NOMO2: variants seen among roughly 807,000 people sequenced by gnomAD.
NOMO2 encodes NODAL modulator 2.
A neutral mutation model predicts 67.1 loss-of-function variants in NOMO2; 14 were observed. The observed-to-expected ratio is 0.21, with a 90% CI of 0.14 to 0.33. NOMO2 has a LOEUF of 0.33. NOMO2 is among the 10% of genes least tolerant of loss of function. The pLI, the probability that NOMO2 is intolerant of heterozygous loss-of-function variation, is 1.00. For synonymous variants in NOMO2, 80 were observed against 305.9 expected, an observed-to-expected ratio of 0.26 and a Z score of 7.71; for missense variants, 178 against 761.0, an observed-to-expected ratio of 0.23 and a Z score of 9.01.
rs371578982 is a variant in NOMO2, at chr16:18,556,650, T to C, written c.255+1052A>G. On this transcript the variant is annotated intron_variant, in intron 2 of 30. Transcript: ENST00000622306. ...TATTGACTATTTTTGCAACTTCCTA[T>C]GAATCTGTATTTCCAAATAAAAGGT... is the stretch of plus-strand genomic sequence containing the variant. Among the ~76,000 whole-genome samples the C allele has an allele frequency of 2.1e-4, 32 of 152,142 alleles. No individual in the cohort carries two copies. The East Asian group carries it at 5.0e-3, about 24-fold the overall frequency.
intron 4 of NOMO2, among the ~76,000 whole-genome samples, chr16:18,550,715 G>T (rs1413926530): frequency 1.3e-5 from 2 of 152,064 alleles, no homozygotes; most frequent in African/African-American, 2.4e-5. Context: ...TAAATAATAG[G>T]AATCCTCCTA....
At chr16:18,529,400 C>G in intron 15 of NOMO2, 101 bp downstream of exon 15, 1 of 1,610,472 alleles carries the variant, frequency 6.2e-7, no homozygotes, top group Non-Finnish European at 8.5e-7. Context: ...AAAAGGAAAT[C>G]TGACTTGCCT....
At chr16:18,560,363 G>A (rs1902009227) in intron 1 of NOMO2, among the ~76,000 whole-genome samples, 1 of 151,220 alleles carries the variant, frequency 6.6e-6, no homozygotes, top group Admixed American at 6.6e-5. Context: ...TGAGGGTGGA[G>A]GGGGGTGCCT....
chr16:18,539,751 A>C (rs1285975227), intron 9 of NOMO2, among the ~76,000 whole-genome samples: 2 of 150,830 alleles, frequency 1.3e-5, no homozygotes, highest in Admixed American at 6.6e-5. Flanking sequence ...TGTCTCAAAG[A>C]AAAAAAAAGA....
chr16:18,550,503 C>T (rs1490033179), intron 4 of NOMO2, among the ~76,000 whole-genome samples: 1 of 151,592 alleles, frequency 6.6e-6, no homozygotes, highest in Non-Finnish European at 1.5e-5. Flanking sequence ...GAAGGGCCTC[C>T]CCGTCACCGC....
upstream of NOMO2, chr16:18,562,104 C>T: frequency 7.4e-7 from 1 of 1,356,264 alleles, no homozygotes; most frequent in Non-Finnish European, 9.5e-7. Flanking sequence ...CACTGCACGC[C>T]GCAGGCTCCT....
chr16:18,538,517 T>G lies in NOMO2; in HGVS notation c.1220+9A>C, dbSNP rs763129687. On this transcript the variant is annotated intron_variant, in intron 11 of 30. Transcript: ENST00000622306. ...TACTGGTGCTTCCAAATCCACACGATAAGCTTACCCTGTTGCAACAATGTC... is the reference window on the plus strand; with the variant it reads ...TACTGGTGCTTCCAAATCCACACGAGAAGCTTACCCTGTTGCAACAATGTC... The G allele has an allele frequency of 1.2e-6, 2 of 1,613,374 alleles. No homozygotes were observed. Among genetic ancestry groups the G allele is most frequent in the Admixed American group, 1.7e-5 (1 of 59,940 alleles).
intron 1 of NOMO2, among the ~76,000 whole-genome samples, chr16:18,561,197 A>C (rs1400351942): frequency 7.1e-5 from 9 of 126,792 alleles, no homozygotes; most frequent in South Asian, 2.5e-4. Flanking sequence ...AAAAAAAAAA[A>C]AAAAAAAAAA....
intron 20 of NOMO2, among the ~76,000 whole-genome samples, 192 bp downstream of exon 20, chr16:18,520,405 T>TCCAC (rs1054415101): frequency 2.2e-5 from 3 of 138,754 alleles, no homozygotes; most frequent in African/African-American, 7.9e-5. Flanking sequence ...CATCCATCCA[T>TCCAC]CCAACCCAAC....
rs373667345 is a variant in NOMO2, at chr16:18,533,178, A to C, written c.1222T>G (p.Phe408Val). The change falls in exon 12 of 31, where the codon TTC (phenylalanine) becomes GTC (valine). Residue 408 changes from phenylalanine to valine, a missense_variant and splice_region_variant. Transcript: ENST00000622306. ...ATTGATATCCGACCACAGACACTGA[A>C]CCTGCAAAGAGAAGACCATTCATTC... ...PQLADIVATG[F>V]SVCGRISIIR... The C allele has an allele frequency of 1.2e-6, 2 of 1,611,422 alleles. No homozygotes were observed. The highest frequency in any genetic ancestry group is 2.2e-5 in the South Asian group (2 of 90,912).
At chr16:18,561,433 G>C (rs573832945) in intron 1 of NOMO2, among the ~76,000 whole-genome samples, 7 of 149,212 alleles carry the variant, frequency 4.7e-5, no homozygotes, top group East Asian at 2.0e-4. Flanking sequence ...TAGAACTTCG[G>C]GGGGTTCTGG....
intron 6 of NOMO2, among the ~76,000 whole-genome samples, chr16:18,544,603 T>A (rs1289394672): frequency 6.6e-6 from 1 of 151,944 alleles, no homozygotes; most frequent in East Asian, 1.9e-4. Flanking sequence ...ACTTCCACTT[T>A]CTGTCCGTCA....
At chr16:18,529,367 C>T (rs745639172) in intron 15 of NOMO2, 134 bp downstream of exon 15, 2 of 1,600,476 alleles carry the variant, frequency 1.2e-6, no homozygotes, top group African/African-American at 1.3e-5. Flanking sequence ...CGTTGCGTAA[C>T]AGGTGGGCGA....
At chr16:18,527,215 CAA>C (rs1019437799) in intron 16 of NOMO2, among the ~76,000 whole-genome samples, 4 of 97,742 alleles carry the variant, frequency 4.1e-5, no homozygotes, top group Non-Finnish European at 4.4e-5. Flanking sequence ...GACTCCATCT[CAA>C]AAAAAAAAAA....
At chr16:18,550,499 C>T (rs1901758495) in intron 4 of NOMO2, among the ~76,000 whole-genome samples, 1 of 151,576 alleles carries the variant, frequency 6.6e-6, no homozygotes, top group Admixed American at 6.6e-5. Context: ...GATGGAAGGG[C>T]CTCCCCGTCA....
At chr16:18,546,042 G>A (rs1205948005) in intron 6 of NOMO2, among the ~76,000 whole-genome samples, 2 of 26,104 alleles carry the variant, frequency 7.7e-5, no homozygotes, top group Non-Finnish European at 6.5e-5. Context: ...CCCAAGAGGC[G>A]GAGGTTGCAA....
chr16:18,561,057 C>T (rs1902026164), intron 1 of NOMO2, among the ~76,000 whole-genome samples: 1 of 150,536 alleles, frequency 6.6e-6, no homozygotes, highest in Non-Finnish European at 1.5e-5. Context: ...TCCCATCTAC[C>T]GGGACAAATG....
At chr16:18,544,176 G>A (rs1179372810) in intron 6 of NOMO2, among the ~76,000 whole-genome samples, 5 of 151,888 alleles carry the variant, frequency 3.3e-5, no homozygotes, top group African/African-American at 1.2e-4. Flanking sequence ...TTACAGGTGT[G>A]AGCCACCGTG....
chr16:18,561,007 C>A (rs913052350), intron 1 of NOMO2, among the ~76,000 whole-genome samples: 1 of 151,080 alleles, frequency 6.6e-6, no homozygotes. Context: ...CACCATAAAT[C>A]CCCGCCCAAA....
Sources: gnomAD v4.1 joint callset for allele counts (sites outside exome capture counted in the v4.1 genomes callset) on GRCh38, gnomAD v4.1.1 for gene constraint, MANE v1.5 for transcripts, NCBI Gene and HGNC (gene_info 2026-07-23, HGNC 2026-07-21) for gene names.